INPP5J: variants seen among roughly 807,000 people sequenced by gnomAD.
INPP5J encodes the protein inositol polyphosphate-5-phosphatase J.
INPP5J carries 75 observed loss-of-function variants against 86.6 expected under a neutral mutation model. The observed-to-expected ratio is 0.87, with a 90% CI of 0.72 to 1.05. The LOEUF (loss-of-function observed/expected upper bound fraction) is 1.05, where lower values mean the gene tolerates loss of function less well. Among genes scored for constraint, INPP5J ranks in the 50% least tolerant of loss-of-function variants. The pLI, the probability that INPP5J is intolerant of heterozygous loss-of-function variation, is 0.00. For synonymous variants in INPP5J, 540 were observed against 550.0 expected, an observed-to-expected ratio of 0.98 and a Z score of 0.25; for missense variants, 1,229 against 1,341.2, an observed-to-expected ratio of 0.92 and a Z score of 1.31.
chr22:31,129,473 CAG>C (rs1240238510), intron 9 of INPP5J, among the ~76,000 whole-genome samples: 5 of 148,950 alleles, frequency 3.4e-5, no homozygotes, highest in Admixed American at 6.7e-5. Flanking sequence ...CTGCTGACCT[CAG>C]GTGATCCACC....
intron 9 of INPP5J, among the ~76,000 whole-genome samples, chr22:31,129,280 C>T (rs1458715144): frequency 1.6e-5 from 2 of 128,368 alleles, no homozygotes; most frequent in African/African-American, 5.8e-5. Flanking sequence ...TGCTCAGCCG[C>T]CCCAGGCTGG....
At chr22:31,133,373 C>A in intron 10 of INPP5J, 33 bp from the exon 11 acceptor site, 2 of 1,610,576 alleles carry the variant, frequency 1.2e-6, no homozygotes, top group South Asian at 2.2e-5. Context: ...ATTATAGGGT[C>A]ACAACACTGA....
At position 31,134,399 on chromosome 22, in the gene INPP5J, G is replaced by A. The variant is rs747487857; in HGVS notation, c.3001G>A (p.Glu1001Lys). 1.5e-5 allele frequency: 22 copies of A among 1,468,512 alleles called. No homozygotes were observed. The South Asian group carries it at 2.8e-4, about 19-fold the overall frequency. 91.0% of individuals were successfully genotyped at this position (1,468,512 alleles called of 1,614,324 possible). A position where few individuals can be genotyped will look rare whatever the true frequency, so the allele number is the denominator to read the frequency against. The change falls in exon 13 of 13, where the codon GAA becomes AAA. Residue 1001 changes from glutamate (E) to lysine (K), a missense_variant. Coordinates refer to ENST00000331075, the MANE Select transcript of INPP5J (RefSeq NM_001284285.2). ...PSPQGHRGLE[E>K]GGLGP Reference sequence around the variant, plus strand: ...TCCCCAGGGCCATCGGGGGCTGGAGGAAGGGGGCCTGGGGCCCTGAGGGTG... The same window carrying A: ...TCCCCAGGGCCATCGGGGGCTGGAGAAAGGGGGCCTGGGGCCCTGAGGGTG...
In INPP5J at chr22:31,125,289, G is replaced by GAA; in HGVS notation, c.550_551insAA (p.Gly184GlufsTer3). The stretch of plus-strand genomic sequence containing the variant: ...ACCCAAGCCAACACTGGCAGCCTCT[G>GAA]GCCTGAGCCTGGCCCTGGCTTCTGA... On this transcript the variant is annotated frameshift_variant, in exon 2 of 13. Transcript: ENST00000331075. LOFTEE classifies it high-confidence loss of function. 6.4e-7 allele frequency: 1 copy of GAA among 1,550,486 alleles called. No individual in the cohort carries two copies. Among genetic ancestry groups the GAA allele is most frequent in the Non-Finnish European group, 8.7e-7 (1 of 1,146,974 alleles).
intron 8 of INPP5J, 60 bp downstream of exon 8, chr22:31,128,383 G>T (rs1921718795): frequency 1.3e-6 from 2 of 1,570,116 alleles, no homozygotes; most frequent in Non-Finnish European, 1.7e-6. Flanking sequence ...CGAACAGGGA[G>T]ACTTTGGGAA....
intron 6 of INPP5J, 21 bp from the exon 7 acceptor site, chr22:31,127,930 C>T: frequency 8.0e-6 from 11 of 1,382,644 alleles, no homozygotes; most frequent in East Asian, 2.4e-5. Context: ...CCACATCTCT[C>T]CCATCCCCCA....
At chr22:31,132,812 C>T (rs985246338) in intron 9 of INPP5J, among the ~76,000 whole-genome samples, 2 of 151,884 alleles carry the variant, frequency 1.3e-5, no homozygotes, top group African/African-American at 2.4e-5. Flanking sequence ...GGCTGAGGAA[C>T]TCACCCAGCC....
chr22:31,126,407 G>C lies in INPP5J; in HGVS notation c.1303G>C (p.Ala435Pro). The part of the protein sequence containing the change: ...ITVVTWNVGT[A>P]MPPDDVTSLL... Reference sequence around the variant, plus strand: ...TGTGGTCACATGGAACGTGGGCACTGCCATGCCCCCAGACGATGTCACATC... The same window carrying C: ...TGTGGTCACATGGAACGTGGGCACTCCCATGCCCCCAGACGATGTCACATC... The change falls in exon 3 of 13, where the codon GCC becomes CCC. Residue 435 changes from alanine to proline, a missense_variant. Transcript: ENST00000331075. The C allele has an allele frequency of 6.2e-7, 1 of 1,613,792 alleles. No homozygotes were observed. Among genetic ancestry groups the C allele is most frequent in the Non-Finnish European group, 8.5e-7 (1 of 1,179,838 alleles).
Position 31,125,547 on chromosome 22 carries a change from C to A in INPP5J, c.808C>A (p.Gln270Lys). Reference protein sequence around the residue: ...SGPTGSPPCIQTSPDPRLSPS... With the variant: ...SGPTGSPPCIKTSPDPRLSPS... ...TCCTACAGGCTCCCCACCCTGCATC[C>A]AAACCTCCCCAGACCCTCGGCTCTC... Residue 270 changes from glutamine (Q) to lysine (K), a missense_variant, in exon 2 of 13, where the codon CAA (glutamine) becomes AAA (lysine). By Grantham distance (53) the Gln-to-Lys change is moderately conservative. Coordinates refer to ENST00000331075, the MANE Select transcript of INPP5J (RefSeq NM_001284285.2). 1.3e-6 allele frequency: 2 copies of A among 1,550,526 alleles called. No individual in the cohort carries two copies. The highest frequency in any genetic ancestry group is 1.7e-6 in the Non-Finnish European group (2 of 1,146,968).
intron 9 of INPP5J, 83 bp from the exon 10 acceptor site, chr22:31,133,015 G>T: frequency 6.6e-7 from 1 of 1,522,204 alleles, no homozygotes. Flanking sequence ...GGCAATTTGT[G>T]CTAAGACCCA....
intron 1 of INPP5J, 132 bp downstream of exon 1, chr22:31,123,251 G>C (rs572594542): frequency 1.7e-6 from 1 of 575,190 alleles, no homozygotes; most frequent in East Asian, 3.5e-5. Context: ...GCGAGCAGGG[G>C]CTAGGTGAAG....
rs1459698987 is a variant in INPP5J at position 31,123,065 on chromosome 22, C to A, written c.51C>A (p.Gly17=). Residue 17 remains glycine, a synonymous_variant, in exon 1 of 13, where the codon GGC becomes GGA. Coordinates refer to ENST00000331075, the MANE Select transcript of INPP5J (RefSeq NM_001284285.2). ...RGSRRPGTRA[G]LGSLPMPQGV... is the part of the protein sequence containing the mutation. Reference sequence around the variant, plus strand: ...GCAGGAGGCCAGGGACCCGGGCTGGCCTGGGTTCCCTGCCCATGCCCCAGG... The same window carrying A: ...GCAGGAGGCCAGGGACCCGGGCTGGACTGGGTTCCCTGCCCATGCCCCAGG... The A allele has an allele frequency of 2.0e-6, 3 of 1,483,586 alleles. No homozygotes were observed. Among genetic ancestry groups the A allele is most frequent in the Non-Finnish European group, 2.7e-6 (3 of 1,120,176 alleles). 91.9% of individuals were successfully genotyped at this position (1,483,586 alleles called of 1,614,324 possible).
rs144828198 is a variant in INPP5J at position 31,134,322 on chromosome 22, G to A, written c.2924G>A (p.Gly975Asp). Residue 975 changes from glycine (G) to aspartate (D), a missense_variant, in exon 13 of 13, where the codon GGC (glycine) becomes GAC (aspartate). By Grantham distance (94) the Gly-to-Asp change is moderately conservative. Transcript: ENST00000331075. The part of the protein sequence containing the change: ...RLETVDPGGG[G>D]SWGPDREALA... The stretch of plus-strand genomic sequence containing the variant: ...GAGACTGTAGACCCTGGTGGTGGTG[G>A]CTCCTGGGGACCTGATCGGGAGGCC... 2.4e-4 allele frequency: 375 copies of A among 1,552,272 alleles called. No individual in the cohort carries two copies. In the African/African-American group the frequency reaches 4.4e-3, roughly 18 times the overall value.
At chr22:31,132,918 T>C (rs557081402) in intron 9 of INPP5J, among the ~76,000 whole-genome samples, 180 bp from the exon 10 acceptor site, 1 of 152,308 alleles carries the variant, frequency 6.6e-6, no homozygotes, top group African/African-American at 2.4e-5. Flanking sequence ...GAAGGAACCC[T>C]GGGCTGGGAG....
At chr22:31,127,726 A>G (rs745354483) in intron 6 of INPP5J, 194 bp downstream of exon 6, 15 of 699,302 alleles carry the variant, frequency 2.1e-5, no homozygotes, top group Non-Finnish European at 3.6e-5. Flanking sequence ...AGCTTTGCTG[A>G]GGGGCCCCGC....
At chr22:31,126,155 G>T (rs918370549) in intron 2 of INPP5J, 145 bp downstream of exon 2, 1 of 881,942 alleles carries the variant, frequency 1.1e-6, no homozygotes, top group Non-Finnish European at 1.7e-6. Context: ...ACTCTGTGAC[G>T]CTCAGAAGAT....
intron 9 of INPP5J, 44 bp from the exon 10 acceptor site, chr22:31,133,054 G>A: frequency 1.3e-6 from 2 of 1,551,052 alleles, no homozygotes; most frequent in Non-Finnish European, 1.7e-6. Flanking sequence ...GATACTAGAG[G>A]GTCTCCCCTG....
Position 31,127,411 on chromosome 22 carries a change from T to C in INPP5J, c.1666T>C (p.Phe556Leu). 1 of 1,613,814 alleles carries C rather than the reference T, an allele frequency of 6.2e-7. No homozygotes were observed. The highest frequency in any genetic ancestry group is 8.5e-7 in the Non-Finnish European group (1 of 1,179,820). ...GGCGGCCTTCGGGCACATGCTCTGCTTCCTGAACTGCCACTTGCCTGCGCA... is the reference window on the plus strand; with the variant it reads ...GGCGGCCTTCGGGCACATGCTCTGCCTCCTGAACTGCCACTTGCCTGCGCA... ...RLAAFGHMLC[F>L]LNCHLPAHMD... Residue 556 changes from phenylalanine (F) to leucine (L), a missense_variant, in exon 6 of 13, where the codon TTC (phenylalanine) becomes CTC (leucine). Physicochemically the swap from Phe to Leu is conservative, Grantham distance 22 (BLOSUM62 0). Transcript: ENST00000331075.
intron 4 of INPP5J, 78 bp from the exon 5 acceptor site, chr22:31,126,843 G>A (rs1921513271): frequency 7.1e-7 from 1 of 1,412,422 alleles, no homozygotes; most frequent in Non-Finnish European, 1.0e-6. Flanking sequence ...ATGGGTGGGT[G>A]GAGGAGCAGA....
Sources: allele counts gnomAD v4.1 joint callset (sites outside exome capture counted in the v4.1 genomes callset), GRCh38; gene constraint gnomAD v4.1.1; transcripts MANE v1.5; gene names NCBI Gene and HGNC (gene_info 2026-07-23, HGNC 2026-07-21).